The following PRKCZ variants were observed in gnomAD, a reference collection of about 807,000 sequenced individuals.
The protein encoded by PRKCZ is protein kinase C zeta, also known as protein kinase C zeta type.
PRKCZ carries 33 observed loss-of-function variants against 79.5 expected under a neutral mutation model. The observed-to-expected ratio is 0.41, with a 90% CI of 0.31 to 0.55. PRKCZ has a LOEUF of 0.55. Ranked by LOEUF, PRKCZ falls within the 20% of genes least tolerant of loss-of-function variation. The pLI is 0.19. For missense variants in PRKCZ, 578 were observed against 813.5 expected (o/e 0.71, Z 3.52); for synonymous variants, 342 against 320.9 (o/e 1.07, Z -0.70).
At chr1:2,079,009 A>AT (rs1662963523) in intron 4 of PRKCZ, among the ~76,000 whole-genome samples, 1 of 151,914 alleles carries the variant, frequency 6.6e-6, no homozygotes, top group Admixed American at 6.6e-5. Flanking sequence ...CGCCCAGCTA[A>AT]TTTTTTGTAG....
In PRKCZ at chr1:2,149,284, C is replaced by T. The variant is rs1437980542; in HGVS notation, c.687+360C>T. 1.3e-5 allele frequency among the ~76,000 whole-genome samples: 2 copies of T among 152,212 alleles called. No individual in the cohort carries two copies. Among genetic ancestry groups the T allele is most frequent in the African/African-American group, 4.8e-5 (2 of 41,462 alleles). On this transcript the variant is annotated intron_variant, in intron 8 of 17. Transcript: ENST00000378567. This position sits in a 1 kb window ranked among gnomAD's most constrained non-coding sequence, Gnocchi z 4.1. ...CACCATGCCTTCCGAATTGTGTTGC[C>T]TCATTTGGCCATCCTGGCAAACCCT...
At position 2,177,231 on chromosome 1, in the gene PRKCZ, C is replaced by A. The variant is rs755207222; in HGVS notation, c.1575+1918C>A. Among the ~76,000 whole-genome samples the A allele has an allele frequency of 2.6e-5, 4 of 152,178 alleles. No homozygotes were observed. The highest frequency in any genetic ancestry group is 4.4e-5 in the Non-Finnish European group (3 of 68,044). ...GCCCACAGAACCCCTCCGGTCCACA[C>A]ACACACTCAGGTCCAGGTACCACCC... is the stretch of plus-strand genomic sequence containing the variant. On this transcript the variant is annotated intron_variant, in intron 16 of 17. Coordinates refer to ENST00000378567, the MANE Select transcript of PRKCZ (RefSeq NM_002744.6). This position sits in a 1 kb window ranked among gnomAD's most constrained non-coding sequence, Gnocchi z 6.4.
rs190844653 is a variant in PRKCZ at position 2,154,091 on chromosome 1, G to A, written c.877-1904G>A. 4.3e-3 allele frequency among the ~76,000 whole-genome samples: 659 copies of A among 152,298 alleles called. 6 individuals are homozygous for A. Among genetic ancestry groups the A allele is most frequent in the African/African-American group, 0.015 (617 of 41,566 alleles). On this transcript the variant is annotated intron_variant, in intron 9 of 17. Transcript: ENST00000378567. ...ATGCCAACGCCGACGTCCCTGCGGGGCCACAGTGGGTGGGTGCTGCTGGTG... is the reference window on the plus strand; with the variant it reads ...ATGCCAACGCCGACGTCCCTGCGGGACCACAGTGGGTGGGTGCTGCTGGTG...
In PRKCZ at chr1:2,173,622, C is replaced by T. The variant is rs1028178337; in HGVS notation, c.1286-275C>T. On this transcript the variant is annotated intron_variant, in intron 13 of 17. Coordinates refer to ENST00000378567, the MANE Select transcript of PRKCZ (RefSeq NM_002744.6). The surrounding 1 kb of genome is among the most constrained non-coding windows in gnomAD (Gnocchi z 5.7). ...TCGTCCGCAGGTTCCACCAGTGCCT[C>T]GTGCCGGTGTGGTCACAGGTGCCCT... Among the ~76,000 whole-genome samples the T allele has an allele frequency of 2.0e-5, 3 of 152,230 alleles. No individual in the cohort carries two copies. Among genetic ancestry groups the T allele is most frequent in the African/African-American group, 4.8e-5 (2 of 41,454 alleles).
At chr1:2,164,465 G>T (rs1478345735) in intron 10 of PRKCZ, among the ~76,000 whole-genome samples, 2 of 152,212 alleles carry the variant, frequency 1.3e-5, no homozygotes, top group African/African-American at 4.8e-5. Context: ...TATCAGTGGG[G>T]CTGCAGGGAA....
At chr1:2,131,831 T>TGA (rs1675016765) in intron 4 of PRKCZ, among the ~76,000 whole-genome samples, 1 of 152,368 alleles carries the variant, frequency 6.6e-6, no homozygotes, top group Non-Finnish European at 1.5e-5. Flanking sequence ...TTTTTGTTTT[T>TGA]GAGAGAGTCT....
Position 2,184,684 on chromosome 1 carries a change from G to A in PRKCZ, c.1677G>A (p.Leu559=), listed in dbSNP as rs1395127139. 2.5e-6 allele frequency: 4 copies of A among 1,613,252 alleles called. No individual in the cohort carries two copies. In the African/African-American group the frequency reaches 4.0e-5, roughly 16 times the overall value. ...AGTTCACCAGCGAGCCCGTGCAGCT[G>A]ACCCCAGACGATGAGTGAGTCCCAC... ...DTQFTSEPVQ[L]TPDDEDAIKR... is the part of the protein sequence containing the mutation. Residue 559 remains leucine, a synonymous_variant, in exon 17 of 18, where the codon CTG becomes CTA. Transcript: ENST00000378567.
intron 7 of PRKCZ, among the ~76,000 whole-genome samples, chr1:2,148,632 C>A (rs899582163): frequency 2.6e-5 from 4 of 152,242 alleles, no homozygotes; most frequent in African/African-American, 9.6e-5. Flanking sequence ...TGCAGATGGA[C>A]CCCTGGGGAC....
At position 2,082,233 on chromosome 1, in the gene PRKCZ, G is replaced by C; in HGVS notation, c.334+22642G>C. 2.7e-6 allele frequency: 1 copy of C among 374,400 alleles called. No homozygotes were observed. Among genetic ancestry groups the C allele is most frequent in the Non-Finnish European group, 5.2e-6 (1 of 191,024 alleles). The allele number at this position is 374,400 out of a possible 1,614,324, so 23.2% of individuals were successfully genotyped here. A position where few individuals can be genotyped will look rare whatever the true frequency, so the allele number is the denominator to read the frequency against. The stretch of plus-strand genomic sequence containing the variant: ...CGCCTGTTGTGTGCGCCTTTTCCCT[G>C]CTCCAGGGCTGTGTATTTGGCAAGA... On this transcript the variant is annotated intron_variant, in intron 4 of 17. Transcript: ENST00000378567. The surrounding 1 kb of genome is among the most constrained non-coding windows in gnomAD (Gnocchi z 4.4).
chr1:2,052,542 C>G lies in PRKCZ; in HGVS notation c.71+1841C>G, dbSNP rs942779382. Among the ~76,000 whole-genome samples, 4 of 151,978 alleles carry G rather than the reference C, an allele frequency of 2.6e-5. No individual in the cohort carries two copies. In the South Asian group the frequency reaches 8.3e-4, roughly 32 times the overall value. On this transcript the variant is annotated intron_variant, in intron 1 of 17. Coordinates refer to ENST00000378567, the MANE Select transcript of PRKCZ (RefSeq NM_002744.6). ...CTCCCCCTTCTAGGGCACGTCTCCCCTCTGGCTCTTCCCTGCTCCTACCAT... is the reference window on the plus strand; with the variant it reads ...CTCCCCCTTCTAGGGCACGTCTCCCGTCTGGCTCTTCCCTGCTCCTACCAT...
At chr1:2,129,692 C>A (rs1674596936) in intron 4 of PRKCZ, among the ~76,000 whole-genome samples, 1 of 152,084 alleles carries the variant, frequency 6.6e-6, no homozygotes, top group South Asian at 2.1e-4. Context: ...TAAAAATAGT[C>A]TATTAAAAAA....
intron 4 of PRKCZ, among the ~76,000 whole-genome samples, chr1:2,076,126 G>A (rs1163753148): frequency 6.6e-6 from 1 of 151,514 alleles, no homozygotes; most frequent in Non-Finnish European, 1.5e-5. Context: ...CCGGGGCTGA[G>A]GGGGTGCCCA....
At chr1:2,114,031 TGTGTGGTGC>T (rs1005218697) in intron 4 of PRKCZ, among the ~76,000 whole-genome samples, 1 of 152,018 alleles carries the variant, frequency 6.6e-6, no homozygotes, top group African/African-American at 2.4e-5. Context: ...CCATGTTGTG[TGTGTGGTGC>T]GTGTGGCGCG....
At chr1:2,063,756 C>T (rs1379064564) in intron 4 of PRKCZ, among the ~76,000 whole-genome samples, 2 of 151,690 alleles carry the variant, frequency 1.3e-5, no homozygotes, top group South Asian at 2.1e-4. Context: ...ATCTTATGGG[C>T]GTGAGGTGGC....
At chr1:2,067,733 C>T (rs1661239896) in intron 4 of PRKCZ, among the ~76,000 whole-genome samples, 1 of 152,202 alleles carries the variant, frequency 6.6e-6, no homozygotes, top group South Asian at 2.1e-4. Context: ...CGGGTGAGGC[C>T]AGTGTGTGGC....
rs70937050 is a variant in PRKCZ, at chr1:2,055,421, C to T, written c.72-20C>T. 6 of 1,593,188 alleles carry T rather than the reference C, an allele frequency of 3.8e-6. No homozygotes were observed. In the African/African-American group the frequency reaches 4.0e-5, roughly 11 times the overall value. ...AAATATGCCCCACGGTAACAGATGC[C>T]CATGTCCCCTCTGCCCCAGGGACAT... On this transcript the variant is annotated intron_variant, in intron 1 of 17. Coordinates refer to ENST00000378567, the MANE Select transcript of PRKCZ (RefSeq NM_002744.6).
intron 16 of PRKCZ, among the ~76,000 whole-genome samples, chr1:2,183,227 A>G (rs1686983549): frequency 1.0e-5 from 1 of 96,774 alleles, no homozygotes; most frequent in African/African-American, 5.2e-5. Flanking sequence ...CGAGTCTCAA[A>G]ACAAAAACAA....
intron 2 of PRKCZ, 92 bp downstream of exon 2, chr1:2,055,654 T>C: frequency 2.0e-6 from 3 of 1,494,524 alleles, no homozygotes; most frequent in Non-Finnish European, 2.7e-6. Context: ...GCCAATTCTG[T>C]GGGGAGACTT....
At chr1:2,051,043 A>G (rs1659591182) in intron 1 of PRKCZ, 1 of 231,120 alleles carries the variant, frequency 4.3e-6, no homozygotes, top group Non-Finnish European at 8.4e-6. Context: ...TCAAGTTGTG[A>G]AAACTCCTGG....
Sources: allele counts gnomAD v4.1 joint callset (sites outside exome capture counted in the v4.1 genomes callset), GRCh38; gene constraint gnomAD v4.1.1; non-coding constraint Gnocchi (gnomAD v3.1); transcripts MANE v1.5; gene names NCBI Gene and HGNC (gene_info 2026-07-23, HGNC 2026-07-21).